The following FABP1 variants were observed in gnomAD, a reference collection of about 807,000 sequenced individuals.
FABP1 encodes the protein fatty acid binding protein 1, also known as fatty acid-binding protein, liver.
A neutral mutation model predicts 13.7 loss-of-function variants in FABP1; 13 were observed. That is an observed-to-expected ratio of 0.95 (90% CI 0.62 to 1.51). The LOEUF (loss-of-function observed/expected upper bound fraction) is 1.51. FABP1 is among the 40% of genes most tolerant of loss of function. The probability of loss-of-function intolerance (pLI) is 0.00; values close to 1 mark genes in which losing one functional copy is unlikely to be tolerated. For missense variants in FABP1, 140 were observed against 155.7 expected (o/e 0.90, Z 0.54); for synonymous variants, 48 against 59.8 (o/e 0.80, Z 0.91).
At chr2:88,124,354 C>T (rs1051278828) in intron 3 of FABP1, 140 bp downstream of exon 3, 1 of 598,254 alleles carries the variant, frequency 1.7e-6, no homozygotes, top group African/African-American at 1.9e-5. Context: ...TAAGTGCTGG[C>T]AGATACTGAC....
intron 2 of FABP1, among the ~76,000 whole-genome samples, chr2:88,125,107 C>A (rs1354603458): frequency 1.3e-5 from 2 of 151,928 alleles, no homozygotes; most frequent in Non-Finnish European, 2.9e-5. Context: ...ACCCGCCCAA[C>A]CAGGTATGTA....
chr2:88,123,320 C>T, intron 3 of FABP1: 1 of 550,130 alleles, frequency 1.8e-6, no homozygotes, highest in Non-Finnish European at 3.2e-6. Flanking sequence ...TTCTCCTCCT[C>T]ACCTGGAAAG....
In FABP1 at chr2:88,127,854, C is replaced by A. The variant is rs1675328287; in HGVS notation, c.67+97G>T. The A allele has an allele frequency of 2.5e-6, 3 of 1,213,296 alleles. No homozygotes were observed. In the Admixed American group the frequency reaches 5.1e-5, roughly 20 times the overall value. 75.2% of individuals were successfully genotyped at this position (1,213,296 alleles called of 1,614,324 possible). ...TTTGTGTATATAGCCTGAATCTCTC[C>A]CCCCATCTCAACATTTGGACCCTAA... On this transcript the variant is annotated intron_variant, in intron 1 of 3. Coordinates refer to ENST00000295834, the MANE Select transcript of FABP1 (RefSeq NM_001443.3).
Position 88,123,088 on chromosome 2 carries a change from T to G in FABP1, c.350A>C (p.Asp117Ala). The G allele has an allele frequency of 6.2e-7, 1 of 1,612,160 alleles. No individual in the cohort carries two copies. The stretch of plus-strand genomic sequence containing the variant: ...CTTGCTGATTCTCTTGAAGACAATG[T>G]CACCCAATGTCATGGTCTGAAAGCC... ...DIITNTMTLG[D>A]IVFKRISKRI The change falls in exon 4 of 4, where the codon GAC becomes GCC. Residue 117 changes from aspartate to alanine, a missense_variant. By Grantham distance (126) the Asp-to-Ala change is moderately radical (BLOSUM62 -2). Coordinates refer to ENST00000295834, the MANE Select transcript of FABP1 (RefSeq NM_001443.3).
chr2:88,124,540 T>C lies in FABP1; in HGVS notation c.287A>G (p.Lys96Arg), dbSNP rs1462231433. Residue 96 changes from lysine (K) to arginine (R), a missense_variant, in exon 3 of 4, where the codon AAA becomes AGA. Transcript: ENST00000295834. ...EGDNKLVTTF[K>R]NIKSVTELNG... ...GAGTTCGGTCACAGACTTGATGTTT[T>C]TGAAAGTTGTCACCAGTTTATTGTC... 6.2e-7 allele frequency: 1 copy of C among 1,612,058 alleles called. No homozygotes were observed. Among genetic ancestry groups the C allele is most frequent in the Non-Finnish European group, 8.5e-7 (1 of 1,179,122 alleles).
chr2:88,126,573 A>G (rs1460948526), intron 1 of FABP1: 1 of 481,532 alleles, frequency 2.1e-6, no homozygotes, highest in South Asian at 3.5e-5. Flanking sequence ...CAGTCAATTT[A>G]TAAAAAGGAC....
chr2:88,124,439 C>T, intron 3 of FABP1, 55 bp downstream of exon 3: 1 of 1,373,330 alleles, frequency 7.3e-7, no homozygotes, highest in Non-Finnish European at 1.0e-6. Context: ...CATGCTTCAC[C>T]TCCCCTCTCC....
At chr2:88,124,711 C>A (rs1484536679) in intron 2 of FABP1, 125 bp from the exon 3 acceptor site, 3 of 637,894 alleles carry the variant, frequency 4.7e-6, no homozygotes, top group Non-Finnish European at 8.2e-6. Flanking sequence ...TTCCTATGAT[C>A]CCAAGCCTCT....
intron 2 of FABP1, chr2:88,125,877 C>A (rs1223446420): frequency 1.5e-5 from 4 of 263,218 alleles, no homozygotes; most frequent in Non-Finnish European, 2.9e-5. Flanking sequence ...GAGCACTGGG[C>A]CTGGGAGAAC....
At chr2:88,123,912 T>G (rs1675248228) in intron 3 of FABP1, 1 of 152,402 alleles carries the variant, frequency 6.6e-6, no homozygotes. Context: ...AGGTGGAAAC[T>G]GCACATTGGG....
At chr2:88,125,320 T>C (rs1675276140) in intron 2 of FABP1, among the ~76,000 whole-genome samples, 1 of 152,154 alleles carries the variant, frequency 6.6e-6, no homozygotes, top group Non-Finnish European at 1.5e-5. Flanking sequence ...CCTCCTAAAA[T>C]CATCCTGACC....
In FABP1 at chr2:88,123,095, A is replaced by G. The variant is rs779696845; in HGVS notation, c.343T>C (p.Leu115=). The change falls in exon 4 of 4, where the codon TTG becomes CTG. Residue 115 remains leucine (L), a synonymous_variant. Transcript: ENST00000295834. ...NGDIITNTMT[L]GDIVFKRISK... is the part of the protein sequence containing the mutation. ...ATTCTCTTGAAGACAATGTCACCCA[A>G]TGTCATGGTCTGAAAGCCAGAAAAG... The G allele has an allele frequency of 1.5e-5, 24 of 1,611,640 alleles. No homozygotes were observed. The highest frequency in any genetic ancestry group is 5.9e-6 in the Non-Finnish European group (7 of 1,179,146).
At chr2:88,124,465 G>T (rs778725934) in intron 3 of FABP1, 29 bp downstream of exon 3, 1 of 1,560,780 alleles carries the variant, frequency 6.4e-7, no homozygotes, top group Non-Finnish European at 8.8e-7. Context: ...AGCACTGGGA[G>T]CCACACGCTC....
chr2:88,124,330 T>C, intron 3 of FABP1, 164 bp downstream of exon 3: 1 of 563,916 alleles, frequency 1.8e-6, no homozygotes. Flanking sequence ...GCCTGGGACA[T>C]GATGGATCCT....
intron 1 of FABP1, 175 bp from the exon 2 acceptor site, chr2:88,126,523 G>C (rs1405942806): frequency 1.6e-6 from 1 of 623,492 alleles, no homozygotes; most frequent in African/African-American, 1.8e-5. Flanking sequence ...GCCTCAGAAA[G>C]GAAGGGACAG....
chr2:88,125,592 C>T (rs1194676181), intron 2 of FABP1, among the ~76,000 whole-genome samples: 1 of 152,222 alleles, frequency 6.6e-6, no homozygotes, highest in East Asian at 1.9e-4. Context: ...TGCTGCCCTG[C>T]ACTGCCTTCA....
intron 2 of FABP1, chr2:88,125,962 GGAACACCCCCCA>G: frequency 2.2e-6 from 1 of 458,424 alleles, no homozygotes; most frequent in Non-Finnish European, 3.9e-6. Flanking sequence ...TTTAGGGGCT[GGAACACCCCCCA>G]GACAGTCCCT....
At position 88,126,666 on chromosome 2, in the gene FABP1, T is replaced by C. The variant is rs150647315; in HGVS notation, c.68-318A>G. ...CCTTCCTCATTCCCTCCTCCTTTGA[T>C]GACTTTGCTCTTGGAGTGTGAGCAT... On this transcript the variant is annotated intron_variant, in intron 1 of 3. Coordinates refer to ENST00000295834, the MANE Select transcript of FABP1 (RefSeq NM_001443.3). The C allele has an allele frequency of 5.8e-4, 145 of 248,092 alleles. No homozygotes were observed. The East Asian group carries it at 8.8e-3, about 15-fold the overall frequency. 15.4% of individuals were successfully genotyped at this position (248,092 alleles called of 1,614,324 possible). A position where few individuals can be genotyped will look rare whatever the true frequency, so the allele number is the denominator to read the frequency against.
At chr2:88,126,800 C>T (rs989271668) in intron 1 of FABP1, 5 of 162,668 alleles carry the variant, frequency 3.1e-5, no homozygotes, top group Non-Finnish European at 4.1e-5. Context: ...ATACACAAAG[C>T]GGCACTGTGC....
Sources: gnomAD v4.1 joint callset for allele counts (sites outside exome capture counted in the v4.1 genomes callset) on GRCh38, gnomAD v4.1.1 for gene constraint, MANE v1.5 for transcripts, NCBI Gene and HGNC (gene_info 2026-07-23, HGNC 2026-07-21) for gene names.